BOD1L1: variants seen among roughly 807,000 people sequenced by gnomAD.
The protein encoded by BOD1L1 is biorientation of chromosomes in cell division protein 1-like 1.
A neutral mutation model predicts 240.7 loss-of-function variants in BOD1L1; 86 were observed. That is an observed-to-expected ratio of 0.36 (90% confidence interval 0.30 to 0.43). The LOEUF (loss-of-function observed/expected upper bound fraction) is 0.43, where lower values mean the gene tolerates loss of function less well. Among genes scored for constraint, BOD1L1 ranks in the 20% least tolerant of loss-of-function variants. The pLI is 1.00. For synonymous variants in BOD1L1, 1,268 were observed against 1,272.3 expected (o/e 1.00, Z 0.07); for missense variants, 3,554 against 3,643.5 (o/e 0.98, Z 0.63).
In BOD1L1 at chr4:13,594,710, T is replaced by C. The variant is rs546877980; in HGVS notation, c.8104+1150A>G. On this transcript the variant is annotated intron_variant, in intron 12 of 25. Coordinates refer to ENST00000040738, the MANE Select transcript of BOD1L1 (RefSeq NM_148894.3). ...AGGAGATCGAGACCATCCTGGCCAA[T>C]ATGGTGAAACCCCATCTCTACTAAA... 5.0e-3 allele frequency among the ~76,000 whole-genome samples: 767 copies of C among 151,992 alleles called. 1 individual carries two copies. Among genetic ancestry groups the C allele is most frequent in the Non-Finnish European group, 8.7e-3 (590 of 67,934 alleles).
chr4:13,618,185 G>A (rs1258000084), intron 2 of BOD1L1, among the ~76,000 whole-genome samples: 1 of 152,044 alleles, frequency 6.6e-6, no homozygotes, highest in Non-Finnish European at 1.5e-5. Context: ...GATTTTATAC[G>A]CTATAAAAGT....
chr4:13,582,355 A>G (rs1344372623), intron 18 of BOD1L1, 45 bp from the exon 19 acceptor site: 1 of 1,495,748 alleles, frequency 6.7e-7, no homozygotes, highest in Non-Finnish European at 9.3e-7. Flanking sequence ...GACCATGGTC[A>G]GCCTTCCCCA....
chr4:13,597,983 T>C lies in BOD1L1; in HGVS notation c.7955-815A>G, dbSNP rs75997295. Among the ~76,000 whole-genome samples, 4 of 152,322 alleles carry C rather than the reference T, an allele frequency of 2.6e-5. No individual in the cohort carries two copies. In the East Asian group the frequency reaches 5.8e-4, roughly 22 times the overall value. ...AAAGTCCAGGATGCTACAATTTATA[T>C]AGCCAGAGTGGAAAAGAATTCCTCT... On this transcript the variant is annotated intron_variant, in intron 10 of 25. Transcript: ENST00000040738.
intron 10 of BOD1L1, 61 bp downstream of exon 10, chr4:13,598,885 C>T (rs769233132): frequency 3.4e-6 from 5 of 1,478,878 alleles, no homozygotes; most frequent in Admixed American, 2.1e-5. Flanking sequence ...GTCCTAAATG[C>T]ACTCTGTTGT....
chr4:13,588,403 AC>A (rs887936497), intron 15 of BOD1L1, among the ~76,000 whole-genome samples: 9 of 152,206 alleles, frequency 5.9e-5, no homozygotes, highest in Non-Finnish European at 4.4e-5. Flanking sequence ...TATATATCTT[AC>A]AACTGATGGC....
At position 13,614,622 on chromosome 4, in the gene BOD1L1, C is replaced by CT. The variant is rs1479521603; in HGVS notation, c.747dup (p.Glu250ArgfsTer9). ...TCAGCCATGTCCTCTGAAGTTCTTT[C>CT]TTTGTCAGTACTAGTATCAGTGGTT... On this transcript the variant is annotated frameshift_variant, in exon 4 of 26. Transcript: ENST00000040738. LOFTEE classifies it high-confidence loss of function. The CT allele has an allele frequency of 6.2e-7, 1 of 1,613,866 alleles. No individual in the cohort carries two copies. The highest frequency in any genetic ancestry group is 8.5e-7 in the Non-Finnish European group (1 of 1,179,844).
chr4:13,580,148 CTAAATACAGACTTTCCAA>C (rs1390205076), intron 21 of BOD1L1, 175 bp from the exon 22 acceptor site: 19 of 562,112 alleles, frequency 3.4e-5, no homozygotes, highest in Admixed American at 2.7e-4. Context: ...GCCTGAGCTT[CTAAATACAGACTTTCCAA>C]TAAGTAACTT....
rs1714916605 is a variant in BOD1L1 at position 13,599,503 on chromosome 4, A to G, written c.7397T>C (p.Leu2466Ser). The part of the protein sequence containing the change: ...LINAEEKNVL[L>S]NSLQKEDKSP... The stretch of plus-strand genomic sequence containing the variant: ...CTTATCTTCTTTCTGAAGGGAGTTC[A>G]ACAATACATTCTTCTCTTCTGCATT... Residue 2466 changes from leucine (L) to serine (S), a missense_variant, in exon 10 of 26, where the codon TTG becomes TCG. Coordinates refer to ENST00000040738, the MANE Select transcript of BOD1L1 (RefSeq NM_148894.3). 1 of 1,614,026 alleles carries G rather than the reference A, an allele frequency of 6.2e-7. No individual in the cohort carries two copies. Among genetic ancestry groups the G allele is most frequent in the African/African-American group, 1.3e-5 (1 of 75,062 alleles).
intron 14 of BOD1L1, among the ~76,000 whole-genome samples, chr4:13,589,903 C>A (rs1206710203): frequency 6.6e-6 from 1 of 152,164 alleles, no homozygotes; most frequent in East Asian, 1.9e-4. Context: ...CAAGAAAATT[C>A]TATGTTCTGT....
Position 13,601,559 on chromosome 4 carries a change from C to T in BOD1L1, c.5341G>A (p.Val1781Met). 1 of 1,614,030 alleles carries T rather than the reference C, an allele frequency of 6.2e-7. No individual in the cohort carries two copies. The highest frequency in any genetic ancestry group is 8.5e-7 in the Non-Finnish European group (1 of 1,179,898). Residue 1781 changes from valine to methionine, a missense_variant, in exon 10 of 26, where the codon GTG becomes ATG. Val to Met is a conservative substitution (Grantham distance 21). Around this residue, in one of 2 missense-constraint regions of BOD1L1, gnomAD observed 3,393 missense variants for 3,427.1 expected, o/e 0.99. Coordinates refer to ENST00000040738, the MANE Select transcript of BOD1L1 (RefSeq NM_148894.3). Reference protein sequence around the residue: ...TSASQEGDGSVNDGTEGESAV... With the variant: ...TSASQEGDGSMNDGTEGESAV... ...CTCTCACCTTCTGTACCATCATTCACAGAACCATCTCCTTCTTGGCTGGCA... is the reference window on the plus strand; with the variant it reads ...CTCTCACCTTCTGTACCATCATTCATAGAACCATCTCCTTCTTGGCTGGCA...
chr4:13,573,313 A>G (rs1712365988), intron 25 of BOD1L1, among the ~76,000 whole-genome samples: 1 of 152,180 alleles, frequency 6.6e-6, no homozygotes, highest in African/African-American at 2.4e-5. Context: ...TTTGAGGCTC[A>G]GTAATGAGGA....
chr4:13,570,901 A>G (rs1255226595), intron 25 of BOD1L1, among the ~76,000 whole-genome samples: 1 of 152,156 alleles, frequency 6.6e-6, no homozygotes, highest in Non-Finnish European at 1.5e-5. Flanking sequence ...TGATATGAAG[A>G]CTTTAGGTCT....
In BOD1L1 at chr4:13,587,607, C is replaced by T. The variant is rs1227952532; in HGVS notation, c.8353+92G>A. The T allele has an allele frequency of 8.5e-6, 8 of 943,608 alleles. No homozygotes were observed. The Admixed American group carries it at 1.4e-4, about 16-fold the overall frequency. 58.5% of individuals were successfully genotyped at this position (943,608 alleles called of 1,614,324 possible). On this transcript the variant is annotated intron_variant, in intron 16 of 25. Coordinates refer to ENST00000040738, the MANE Select transcript of BOD1L1 (RefSeq NM_148894.3). ...ACTTGTAAAGTAGAGAGTTACTATCCTCAAAAATTCTCTATGTTTTTGGCT... is the reference window on the plus strand; with the variant it reads ...ACTTGTAAAGTAGAGAGTTACTATCTTCAAAAATTCTCTATGTTTTTGGCT...
At position 13,613,407 on chromosome 4, in the gene BOD1L1, T is replaced by C; in HGVS notation, c.1324+105A>G. On this transcript the variant is annotated intron_variant, in intron 5 of 25. Transcript: ENST00000040738. This position sits in a 1 kb window ranked among gnomAD's most constrained non-coding sequence, Gnocchi z 4.0. Reference sequence around the variant, plus strand: ...CAAATCTTCCAACTACAAAATCCCATGCTCTTGCTACTATACCACACTGTT... The same window carrying C: ...CAAATCTTCCAACTACAAAATCCCACGCTCTTGCTACTATACCACACTGTT... The C allele has an allele frequency of 9.2e-7, 1 of 1,086,644 alleles. No homozygotes were observed. Among genetic ancestry groups the C allele is most frequent in the Non-Finnish European group, 1.3e-6 (1 of 786,974 alleles). The allele number at this position is 1,086,644 out of a possible 1,614,324, so 67.3% of individuals were successfully genotyped here.
chr4:13,597,572 T>C (rs958473031), intron 10 of BOD1L1, among the ~76,000 whole-genome samples: 19 of 152,304 alleles, frequency 1.2e-4, no homozygotes, highest in African/African-American at 4.3e-4. Context: ...TGCTTCACAC[T>C]GAACACAGAA....
At chr4:13,626,158 T>C (rs1447677360) in intron 1 of BOD1L1, 1 of 151,938 alleles carries the variant, frequency 6.6e-6, no homozygotes, top group East Asian at 1.9e-4. Flanking sequence ...TTGTGTCTAC[T>C]AAAAATACAA....
intron 2 of BOD1L1, among the ~76,000 whole-genome samples, 161 bp downstream of exon 2, chr4:13,619,782 C>T (rs539547751): frequency 2.0e-5 from 3 of 152,040 alleles, no homozygotes; most frequent in East Asian, 3.9e-4. Flanking sequence ...GTGATTAGAC[C>T]CAAATCCAAA....
Position 13,601,090 on chromosome 4 carries a change from G to A in BOD1L1, c.5810C>T (p.Thr1937Ile). 1 of 1,613,792 alleles carries A rather than the reference G, an allele frequency of 6.2e-7. No homozygotes were observed. The highest frequency in any genetic ancestry group is 1.3e-5 in the African/African-American group (1 of 74,954). Reference protein sequence around the residue: ...NENNVDSMSGTEKGSKDTDIC... With the variant: ...NENNVDSMSGIEKGSKDTDIC... ...ATCTGTGTCTTTACTTCCTTTCTCT[G>A]TGCCACTCATGCTGTCAACATTATT... The change falls in exon 10 of 26, where the codon ACA (threonine) becomes ATA (isoleucine). Residue 1937 changes from threonine to isoleucine, a missense_variant. Thr to Ile is a moderately conservative substitution (Grantham distance 89). Around this residue, in one of 2 missense-constraint regions of BOD1L1, gnomAD observed 3,393 missense variants for 3,427.1 expected, o/e 0.99. Coordinates refer to ENST00000040738, the MANE Select transcript of BOD1L1 (RefSeq NM_148894.3).
At chr4:13,611,132 T>C (rs1473209748) in intron 5 of BOD1L1, 32 bp from the exon 6 acceptor site, 1 of 1,496,516 alleles carries the variant, frequency 6.7e-7, no homozygotes, top group Non-Finnish European at 9.2e-7. Context: ...GAGGAGTATG[T>C]CTGTGAATTA....
Sources: gnomAD v4.1 joint callset for allele counts (sites outside exome capture counted in the v4.1 genomes callset) on GRCh38, gnomAD v4.1.1 for gene constraint, gnomAD v4.1.1 regional missense constraint, Gnocchi (gnomAD v3.1) non-coding constraint, MANE v1.5 for transcripts, NCBI Gene and HGNC (gene_info 2026-07-23, HGNC 2026-07-21) for gene names.